Variants in ALDH1L1 observed in about 807,000 individuals in gnomAD.
ALDH1L1 encodes the protein aldehyde dehydrogenase 1 family member L1.
A neutral mutation model predicts 101.1 loss-of-function variants in ALDH1L1; 68 were observed. The observed-to-expected ratio is 0.67, with a 90% CI of 0.55 to 0.82. The LOEUF is 0.82. ALDH1L1 is among the 40% of genes least tolerant of loss of function. The pLI is 0.00. For synonymous variants in ALDH1L1, 486 were observed against 470.8 expected (o/e 1.03, Z -0.42); for missense variants, 1,087 against 1,172.7 (o/e 0.93, Z 1.07).
chr3:126,168,760 T>C (rs1247689644), intron 1 of ALDH1L1, among the ~76,000 whole-genome samples: 2 of 152,152 alleles, frequency 1.3e-5, no homozygotes, highest in Non-Finnish European at 2.9e-5. Context: ...GACTGTCTAA[T>C]AGGTTATATT....
intron 17 of ALDH1L1, among the ~76,000 whole-genome samples, chr3:126,116,359 G>A (rs192004550): frequency 4.9e-4 from 74 of 151,850 alleles, no homozygotes; most frequent in African/African-American, 1.7e-3. Context: ...TCAGCCTCCC[G>A]AGTAGCTGGG....
At chr3:126,171,247 G>C (rs1455727903) in intron 1 of ALDH1L1, among the ~76,000 whole-genome samples, 1 of 152,178 alleles carries the variant, frequency 6.6e-6, no homozygotes, top group Non-Finnish European at 1.5e-5. Context: ...GCAGTGAGCC[G>C]AGATGGCGCC....
intron 10 of ALDH1L1, 77 bp downstream of exon 10, chr3:126,137,736 C>T: frequency 6.5e-7 from 1 of 1,536,294 alleles, no homozygotes; most frequent in Non-Finnish European, 8.8e-7. Context: ...CAGGTTTCCC[C>T]TCTTGTCTTA....
At chr3:126,135,809 A>G in intron 11 of ALDH1L1, 147 bp from the exon 12 acceptor site, 1 of 1,037,898 alleles carries the variant, frequency 9.6e-7, no homozygotes, top group Non-Finnish European at 1.3e-6. Flanking sequence ...TGGCCAAAGG[A>G]CAACCCTGGG....
In ALDH1L1 at chr3:126,131,536, T is replaced by G; in HGVS notation, c.1473-2A>C. ...TGCTGCTCCATGAGATCTGCCAACC[T>G]GACCAGGGTGAGGGGAAGCGGGAGG... On this transcript the variant is annotated splice_acceptor_variant, in intron 12 of 22. Transcript: ENST00000393434. LOFTEE classifies it high-confidence loss of function. 6.2e-7 allele frequency: 1 copy of G among 1,604,220 alleles called. No individual in the cohort carries two copies. Among genetic ancestry groups the G allele is most frequent in the Middle Eastern group, 1.7e-4 (1 of 5,986 alleles).
intron 9 of ALDH1L1, among the ~76,000 whole-genome samples, chr3:126,146,322 A>G (rs1364578578): frequency 2.0e-5 from 3 of 151,816 alleles, no homozygotes; most frequent in Admixed American, 6.6e-5. Context: ...ACCCACCACC[A>G]CCACAGGACC....
intron 21 of ALDH1L1, among the ~76,000 whole-genome samples, chr3:126,106,808 C>A (rs896105181): frequency 1.3e-5 from 2 of 152,214 alleles, no homozygotes; most frequent in African/African-American, 4.8e-5. Context: ...TATTCCAAGC[C>A]ACTCAGTGTG....
At chr3:126,183,409 A>T (rs774203268), upstream of ALDH1L1, among the ~76,000 whole-genome samples, 16 of 152,162 alleles carry the variant, frequency 1.1e-4, no homozygotes, top group South Asian at 2.1e-4. Context: ...GACTCCCCCA[A>T]ATTCTGGGAG....
chr3:126,136,386 G>A (rs150299878), intron 11 of ALDH1L1, among the ~76,000 whole-genome samples: 205 of 152,256 alleles, frequency 1.3e-3, no homozygotes, highest in African/African-American at 4.2e-3. Context: ...CAGGACTCAG[G>A]TCGAAGAAGA....
intron 1 of ALDH1L1, among the ~76,000 whole-genome samples, chr3:126,189,173 G>A (rs555337423): frequency 3.8e-4 from 58 of 152,260 alleles, no homozygotes; most frequent in Admixed American, 6.5e-4. Context: ...TAATCACTAA[G>A]TGAACTAATG....
intron 16 of ALDH1L1, among the ~76,000 whole-genome samples, chr3:126,120,331 G>A (rs2080054554): frequency 6.7e-6 from 1 of 149,070 alleles, no homozygotes; most frequent in Non-Finnish European, 1.5e-5. Context: ...AGAAGCCATG[G>A]AAGAACCTCA....
At chr3:126,142,988 A>G (rs2080596460) in intron 9 of ALDH1L1, among the ~76,000 whole-genome samples, 1 of 152,220 alleles carries the variant, frequency 6.6e-6, no homozygotes, top group Admixed American at 6.5e-5. Context: ...TTAAATCATG[A>G]ATGCATTTAA....
In ALDH1L1 at chr3:126,118,130, G is replaced by A. The variant is rs753735579; in HGVS notation, c.1889-32C>T. The A allele has an allele frequency of 1.6e-5, 25 of 1,565,648 alleles. No individual in the cohort carries two copies. In the Middle Eastern group the frequency reaches 5.2e-4, roughly 32 times the overall value. ...GCGGGAGGGAGGGGGGAATCAGAGT[G>A]GTCCCCCTGGTGCTGGGGAGGCAGG... On this transcript the variant is annotated intron_variant, in intron 16 of 22. Transcript: ENST00000393434.
intron 2 of ALDH1L1, among the ~76,000 whole-genome samples, chr3:126,159,825 T>C (rs2081003975): frequency 6.6e-6 from 1 of 152,186 alleles, no homozygotes; most frequent in Non-Finnish European, 1.5e-5. Flanking sequence ...GACTGAAGCC[T>C]GGCTGGCATT....
intron 16 of ALDH1L1, among the ~76,000 whole-genome samples, chr3:126,120,866 C>G (rs763653601): frequency 6.6e-6 from 1 of 151,962 alleles, no homozygotes; most frequent in Non-Finnish European, 1.5e-5. Context: ...TATCAGACCA[C>G]GAAAATTCTC....
intron 11 of ALDH1L1, 47 bp downstream of exon 11, chr3:126,136,717 C>A: frequency 6.4e-7 from 1 of 1,551,690 alleles, no homozygotes; most frequent in Non-Finnish European, 8.7e-7. Context: ...GAAGGAAGGA[C>A]AGGGAGGCTG....
At chr3:126,170,011 A>G (rs1432794681) in intron 1 of ALDH1L1, among the ~76,000 whole-genome samples, 8 of 152,202 alleles carry the variant, frequency 5.3e-5, no homozygotes, top group African/African-American at 1.9e-4. Context: ...GTCAAAGCCT[A>G]AAGAGCTGAG....
At chr3:126,115,721 C>T (rs1043955781) in intron 17 of ALDH1L1, among the ~76,000 whole-genome samples, 6 of 151,624 alleles carry the variant, frequency 4.0e-5, no homozygotes, top group Admixed American at 6.6e-5. Flanking sequence ...ATTACAGGCA[C>T]GTGCCACCAC....
intron 1 of ALDH1L1, among the ~76,000 whole-genome samples, chr3:126,167,455 T>C (rs180963264): frequency 6.6e-6 from 1 of 152,244 alleles, no homozygotes; most frequent in Admixed American, 6.5e-5. Flanking sequence ...TTTAACAAGA[T>C]AATAAGGGAA....
Sources: gnomAD v4.1 joint callset for allele counts (sites outside exome capture counted in the v4.1 genomes callset) on GRCh38, gnomAD v4.1.1 for gene constraint, MANE v1.5 for transcripts, NCBI Gene and HGNC (gene_info 2026-07-23, HGNC 2026-07-21) for gene names.